Variants in DOK6 observed in about 807,000 individuals in gnomAD.
The protein encoded by DOK6 is downstream of tyrosine kinase 6.
DOK6 carries 22 observed loss-of-function variants against 44.0 expected under a neutral mutation model. That is an observed-to-expected ratio of 0.50 (90% CI 0.36 to 0.71). DOK6 has a LOEUF of 0.71. Ranked by LOEUF, DOK6 falls within the 30% of genes least tolerant of loss-of-function variation. The pLI, the probability that DOK6 is intolerant of heterozygous loss-of-function variation, is 0.00. For missense variants in DOK6, 340 were observed against 416.4 expected (o/e 0.82, Z 1.60); for synonymous variants, 166 against 145.5 (o/e 1.14, Z -1.01).
At chr18:69,529,866 G>A (rs567309204) in intron 1 of DOK6, among the ~76,000 whole-genome samples, 3 of 152,228 alleles carry the variant, frequency 2.0e-5, no homozygotes, top group Admixed American at 6.5e-5. Flanking sequence ...TGTATCAAAT[G>A]TATAATAATG....
intron 2 of DOK6, among the ~76,000 whole-genome samples, chr18:69,585,941 C>A (rs1011092103): frequency 5.9e-5 from 9 of 152,144 alleles, no homozygotes; most frequent in African/African-American, 2.2e-4. Context: ...ACAGCTGCAA[C>A]AACATTTTTA....
At chr18:69,762,492 T>C (rs1234073124) in intron 7 of DOK6, among the ~76,000 whole-genome samples, 2 of 152,182 alleles carry the variant, frequency 1.3e-5, no homozygotes, top group Non-Finnish European at 2.9e-5. Context: ...AGTCTGGCAA[T>C]GTGGGAATAT....
chr18:69,824,162 A>AT (rs1319725923), intron 7 of DOK6, among the ~76,000 whole-genome samples: 8 of 150,310 alleles, frequency 5.3e-5, no homozygotes, highest in Non-Finnish European at 8.9e-5. Flanking sequence ...GTCATTTAAC[A>AT]TTAGGTATAT....
Position 69,847,387 on chromosome 18 carries a change from G to A in DOK6, c.*6004G>A, listed in dbSNP as rs1599357713. 6.6e-6 allele frequency: 1 copy of A among 152,298 alleles called. No individual in the cohort carries two copies. The highest frequency in any genetic ancestry group is 2.1e-4 in the South Asian group (1 of 4,828). The allele number at this position is 152,298 out of a possible 1,614,324, so 9.4% of individuals were successfully genotyped here. On this transcript the variant is annotated 3_prime_UTR_variant, in exon 8 of 8. Transcript: ENST00000382713. The stretch of plus-strand genomic sequence containing the variant: ...ACTCTCAGCCTGTAGCTGTGCTAAT[G>A]TTAGGATTGAATTGTTCTATTAATT...
At chr18:69,677,883 A>G (rs371135206) in intron 4 of DOK6, 30 bp downstream of exon 4, 31 of 1,605,242 alleles carry the variant, frequency 1.9e-5, no homozygotes, top group Non-Finnish European at 2.6e-5. Flanking sequence ...CCATCACTTC[A>G]GAATACCCTT....
chr18:69,755,839 A>T (rs1979336750), intron 6 of DOK6, among the ~76,000 whole-genome samples: 2 of 152,190 alleles, frequency 1.3e-5, no homozygotes, highest in African/African-American at 4.8e-5. Context: ...AGGCATGTGA[A>T]CACATTGAAG....
At chr18:69,406,522 C>T (rs1456412658) in intron 1 of DOK6, among the ~76,000 whole-genome samples, 1 of 152,152 alleles carries the variant, frequency 6.6e-6, no homozygotes, top group Non-Finnish European at 1.5e-5. Flanking sequence ...AGATTCACAT[C>T]TCAGTTTTTA....
chr18:69,502,020 T>C (rs891028705), intron 1 of DOK6, among the ~76,000 whole-genome samples: 12 of 152,122 alleles, frequency 7.9e-5, no homozygotes, highest in African/African-American at 2.9e-4. Context: ...CCAGGAGAGC[T>C]ATTATTTCAG....
chr18:69,805,979 A>C (rs1041437128), intron 7 of DOK6, among the ~76,000 whole-genome samples: 9 of 151,942 alleles, frequency 5.9e-5, no homozygotes, highest in Non-Finnish European at 1.0e-4. Flanking sequence ...TGCATATGGG[A>C]AGTACATGTG....
chr18:69,701,702 T>G (rs1986524463), intron 5 of DOK6, among the ~76,000 whole-genome samples: 1 of 152,228 alleles, frequency 6.6e-6, no homozygotes, highest in South Asian at 2.1e-4. Context: ...TCACTAACTT[T>G]GATAATATTG....
At chr18:69,513,115 G>A (rs1256159326) in intron 1 of DOK6, among the ~76,000 whole-genome samples, 1 of 128,804 alleles carries the variant, frequency 7.8e-6, no homozygotes, top group Admixed American at 8.1e-5. Context: ...AAATAACAAA[G>A]CTCGTTCACT....
intron 7 of DOK6, among the ~76,000 whole-genome samples, chr18:69,794,741 G>A (rs538044471): frequency 1.3e-5 from 2 of 152,130 alleles, no homozygotes; most frequent in Non-Finnish European, 2.9e-5. Context: ...ATTTGCAGCC[G>A]CTCCCCATCA....
intron 1 of DOK6, among the ~76,000 whole-genome samples, chr18:69,469,186 G>A (rs1980014749): frequency 6.6e-6 from 1 of 152,182 alleles, no homozygotes; most frequent in African/African-American, 2.4e-5. Context: ...GGCCCAAGGA[G>A]TCAGAACTAG....
At chr18:69,564,640 A>G in intron 2 of DOK6, 46 bp downstream of exon 2, 5 of 1,470,420 alleles carry the variant, frequency 3.4e-6, no homozygotes, top group Non-Finnish European at 4.7e-6. Context: ...TGGGCCCTTG[A>G]AGACTTGTGG....
chr18:69,475,787 T>G (rs1980243047), intron 1 of DOK6, among the ~76,000 whole-genome samples: 1 of 152,234 alleles, frequency 6.6e-6, no homozygotes, highest in African/African-American at 2.4e-5. Context: ...AAAAAAAATT[T>G]CATTCTATTA....
chr18:69,428,790 A>T (rs891359046), intron 1 of DOK6, among the ~76,000 whole-genome samples: 1 of 152,236 alleles, frequency 6.6e-6, no homozygotes, highest in Non-Finnish European at 1.5e-5. Flanking sequence ...AAGTAAAAAT[A>T]AAAGGACTTG....
At chr18:69,509,208 G>A (rs1199037272) in intron 1 of DOK6, among the ~76,000 whole-genome samples, 1 of 151,920 alleles carries the variant, frequency 6.6e-6, no homozygotes, top group East Asian at 1.9e-4. Context: ...ACCAAGTCCT[G>A]GTTCCCAGAA....
intron 7 of DOK6, among the ~76,000 whole-genome samples, chr18:69,777,374 G>T (rs914288352): frequency 6.6e-6 from 1 of 152,006 alleles, no homozygotes; most frequent in Non-Finnish European, 1.5e-5. Flanking sequence ...TTAGAGGTAT[G>T]ATATTCTCAG....
chr18:69,477,862 T>C (rs374540269), intron 1 of DOK6, among the ~76,000 whole-genome samples: 1 of 152,300 alleles, frequency 6.6e-6, no homozygotes, highest in East Asian at 1.9e-4. Context: ...CTACATTTGG[T>C]TTATTGAAAC....
Sources: allele counts gnomAD v4.1 joint callset (sites outside exome capture counted in the v4.1 genomes callset), GRCh38; gene constraint gnomAD v4.1.1; transcripts MANE v1.5; gene names NCBI Gene and HGNC (gene_info 2026-07-23, HGNC 2026-07-21).